RGS6: variants seen among roughly 807,000 people sequenced by gnomAD.
The protein encoded by RGS6 is regulator of G protein signaling 6.
Under a neutral mutation model 78.5 loss-of-function variants are expected in RGS6, and 30 were observed. The observed-to-expected ratio is 0.38, with a 90% CI of 0.29 to 0.52. The LOEUF is 0.52. RGS6 is among the 20% of genes least tolerant of loss of function. The pLI is 0.85. For synonymous variants in RGS6, 206 were observed against 206.0 expected (o/e 1.00, Z 0.00); for missense variants, 495 against 609.7 (o/e 0.81, Z 1.98).
At chr14:72,095,972 A>G (rs2095396842) in intron 2 of RGS6, among the ~76,000 whole-genome samples, 1 of 152,230 alleles carries the variant, frequency 6.6e-6, no homozygotes, top group Non-Finnish European at 1.5e-5. Flanking sequence ...AGGGAACCTT[A>G]AAAATAATGA....
intron 2 of RGS6, among the ~76,000 whole-genome samples, chr14:71,972,890 TA>T (rs1333393991): frequency 1.3e-5 from 2 of 152,188 alleles, no homozygotes; most frequent in East Asian, 3.9e-4. Flanking sequence ...CCCTAGGCTA[TA>T]TCTGTGATTC....
intron 2 of RGS6, among the ~76,000 whole-genome samples, chr14:72,149,259 C>T (rs748777911): frequency 6.6e-6 from 1 of 152,162 alleles, no homozygotes; most frequent in Admixed American, 6.5e-5. Flanking sequence ...TTCATGACCT[C>T]GCCTCAGAAG....
intron 2 of RGS6, among the ~76,000 whole-genome samples, chr14:72,211,467 A>C (rs779150317): frequency 7.2e-5 from 11 of 152,192 alleles, no homozygotes; most frequent in Non-Finnish European, 1.5e-4. Context: ...CTTCCTTCAG[A>C]TTAGCTGTAA....
chr14:72,588,867 C>T, the RGS6 span, among the ~76,000 whole-genome samples: 1 of 152,132 alleles, frequency 6.6e-6, no homozygotes, highest in African/African-American at 2.4e-5. Flanking sequence ...GATGGATGGT[C>T]GTGTGCAGGG....
intron 2 of RGS6, among the ~76,000 whole-genome samples, chr14:72,179,351 T>C (rs1028226770): frequency 6.6e-6 from 1 of 152,172 alleles, no homozygotes; most frequent in African/African-American, 2.4e-5. Flanking sequence ...ATTTCATGTC[T>C]CAACAATTTC....
chr14:72,199,295 A>G (rs1013719287), intron 2 of RGS6, among the ~76,000 whole-genome samples: 8 of 152,350 alleles, frequency 5.3e-5, no homozygotes, highest in African/African-American at 1.7e-4. Context: ...AATGCAGTCA[A>G]TTGTTACTGG....
chr14:72,017,805 G>A (rs1467614942), intron 2 of RGS6, among the ~76,000 whole-genome samples: 1 of 151,928 alleles, frequency 6.6e-6, no homozygotes, highest in Non-Finnish European at 1.5e-5. Context: ...AAGTTCCAGG[G>A]TACATGTGCA....
chr14:72,109,043 C>T (rs535377622), intron 2 of RGS6, among the ~76,000 whole-genome samples: 107 of 152,040 alleles, frequency 7.0e-4, no homozygotes, highest in Admixed American at 2.5e-3. Context: ...AGAGCTCTGT[C>T]TTCTATTGTT....
chr14:72,125,956 A>G (rs1332947428), intron 2 of RGS6, among the ~76,000 whole-genome samples: 1 of 152,188 alleles, frequency 6.6e-6, no homozygotes, highest in African/African-American at 2.4e-5. Context: ...GATGTTACCT[A>G]TGAGGAAGCT....
intron 2 of RGS6, among the ~76,000 whole-genome samples, chr14:72,305,994 G>A (rs969644446): frequency 2.0e-5 from 3 of 152,156 alleles, no homozygotes; most frequent in East Asian, 1.9e-4. Flanking sequence ...CAGCCTTATC[G>A]CTGATATGGA....
At chr14:72,402,790 G>GTT (rs1167831473) in intron 3 of RGS6, among the ~76,000 whole-genome samples, 2,616 of 75,738 alleles carry the variant, frequency 0.035, 54 homozygotes, top group African/African-American at 0.041. Context: ...TGTTTTTTTG[G>GTT]TTTTTTTTTT....
At chr14:72,590,535 G>A in the RGS6 span, among the ~76,000 whole-genome samples, 5 of 152,236 alleles carry the variant, frequency 3.3e-5, no homozygotes, top group South Asian at 2.1e-4. Flanking sequence ...AGACGTACCC[G>A]TAAGTTCCCT....
chr14:72,094,118 G>A (rs928814529), intron 2 of RGS6, among the ~76,000 whole-genome samples: 1 of 152,068 alleles, frequency 6.6e-6, no homozygotes, highest in Admixed American at 6.6e-5. Context: ...AAGAATTTCT[G>A]GACAGGAAAA....
At chr14:71,888,249 A>C in the RGS6 span, among the ~76,000 whole-genome samples, 2 of 151,994 alleles carry the variant, frequency 1.3e-5, no homozygotes, top group Non-Finnish European at 2.9e-5. Flanking sequence ...TCTCAAAAAT[A>C]AAACAAAACA....
rs548006228 is a variant in RGS6, at chr14:72,293,750, T to A, written c.85-58345T>A. 9.2e-5 allele frequency among the ~76,000 whole-genome samples: 14 copies of A among 152,328 alleles called. No homozygotes were observed. The South Asian group carries it at 2.9e-3, about 32-fold the overall frequency. On this transcript the variant is annotated intron_variant, in intron 2 of 17. Transcript: ENST00000553525. ...GGAGTATGGACCTGAAGAAAATGAATATCAGACATGGGCTAAGCCAAGGCC... is the reference window on the plus strand; with the variant it reads ...GGAGTATGGACCTGAAGAAAATGAAAATCAGACATGGGCTAAGCCAAGGCC...
intron 2 of RGS6, among the ~76,000 whole-genome samples, chr14:72,245,490 A>C (rs1308490092): frequency 1.3e-5 from 2 of 152,260 alleles, no homozygotes; most frequent in South Asian, 2.1e-4. Context: ...AATTAATTGC[A>C]GCAGGATCAC....
the RGS6 span, among the ~76,000 whole-genome samples, chr14:71,890,358 CAGAGAGAG>C: frequency 6.8e-5 from 9 of 133,008 alleles, no homozygotes; most frequent in South Asian, 5.2e-4. Flanking sequence ...GTGCATAAGA[CAGAGAGAG>C]AGAGAGAGAG....
chr14:72,175,944 A>C (rs1429937263), intron 2 of RGS6, among the ~76,000 whole-genome samples: 1 of 152,154 alleles, frequency 6.6e-6, no homozygotes, highest in Non-Finnish European at 1.5e-5. Flanking sequence ...GATGCTGTGA[A>C]CTATCACCAA....
intron 12 of RGS6, among the ~76,000 whole-genome samples, chr14:72,485,304 T>C (rs913713185): frequency 6.6e-6 from 1 of 152,214 alleles, no homozygotes; most frequent in Non-Finnish European, 1.5e-5. Context: ...TGCTGTGTAC[T>C]GTTATATGCT....
Sources: allele counts gnomAD v4.1 joint callset (sites outside exome capture counted in the v4.1 genomes callset), GRCh38; gene constraint gnomAD v4.1.1; transcripts MANE v1.5; gene names NCBI Gene and HGNC (gene_info 2026-07-23, HGNC 2026-07-21).